JPT1: variants seen among roughly 807,000 people sequenced by gnomAD.
The protein encoded by JPT1 is Jupiter microtubule associated homolog 1.
JPT1 carries 5 observed loss-of-function variants against 17.0 expected under a neutral mutation model. The ratio of observed to expected loss-of-function variants is 0.29; its 90% CI spans 0.15 to 0.62. The LOEUF is 0.62. JPT1 is among the 20% of genes least tolerant of loss of function. JPT1 has a pLI of 0.85. For missense variants in JPT1, 158 were observed against 188.1 expected, an observed-to-expected ratio of 0.84 and a Z score of 0.94; for synonymous variants, 71 against 73.6, an observed-to-expected ratio of 0.96 and a Z score of 0.18.
chr17:75,141,822 G>A (rs569471387), intron 4 of JPT1, among the ~76,000 whole-genome samples: 11 of 151,318 alleles, frequency 7.3e-5, no homozygotes, highest in African/African-American at 2.2e-4. Context: ...GCCTCCCAGC[G>A]CTTTGGGAGG....
chr17:75,150,847 C>CTTTCTTTTTTTTTTTT (rs2074535428), intron 1 of JPT1, among the ~76,000 whole-genome samples: 3 of 65,958 alleles, frequency 4.5e-5, no homozygotes, highest in African/African-American at 1.3e-4. Context: ...ATTTTTCTTT[C>CTTTCTTTTTTTTTTTT]TTTTTTTTTT....
chr17:75,136,088 C>G lies in JPT1; in HGVS notation c.*14G>C. On this transcript the variant is annotated 3_prime_UTR_variant, in exon 5 of 5. Transcript: ENST00000409753. ...AGGAAACAGACAGAACGACAGCGTTCAGGACAGTCAGAGCTAACCCAAGAC... is the reference window on the plus strand; with the variant it reads ...AGGAAACAGACAGAACGACAGCGTTGAGGACAGTCAGAGCTAACCCAAGAC... The G allele has an allele frequency of 6.2e-7, 1 of 1,614,234 alleles. No individual in the cohort carries two copies. The highest frequency in any genetic ancestry group is 8.5e-7 in the Non-Finnish European group (1 of 1,180,034).
intron 4 of JPT1, among the ~76,000 whole-genome samples, chr17:75,138,034 G>A (rs1478622150): frequency 3.4e-5 from 5 of 148,740 alleles, no homozygotes; most frequent in Non-Finnish European, 7.4e-5. Context: ...TCGGCTCACT[G>A]CAACCTGTGC....
intron 2 of JPT1, 182 bp from the exon 3 acceptor site, chr17:75,147,835 C>T: frequency 1.8e-6 from 1 of 548,226 alleles, no homozygotes; most frequent in Non-Finnish European, 3.3e-6. Flanking sequence ...CCTGTCTCTA[C>T]TAAAAATATA....
rs867270465 is a variant in JPT1 at position 75,146,736 on chromosome 17, C to T, written c.298-52G>A. ...TACTTCCTATTTTAATTTTGGAACACGCAAAACAGTCATAGTTCATAGCAG... is the reference window on the plus strand; with the variant it reads ...TACTTCCTATTTTAATTTTGGAACATGCAAAACAGTCATAGTTCATAGCAG... On this transcript the variant is annotated intron_variant, in intron 3 of 4. Transcript: ENST00000409753. 66 of 1,122,390 alleles carry T rather than the reference C, an allele frequency of 5.9e-5. 1 individual carries two copies. The Middle Eastern group carries it at 1.6e-3, about 28-fold the overall frequency. 69.5% of individuals were successfully genotyped at this position (1,122,390 alleles called of 1,614,324 possible). A position where few individuals can be genotyped will look rare whatever the true frequency, so the allele number is the denominator to read the frequency against.
chr17:75,149,178 C>T (rs1390893741), intron 1 of JPT1: 2 of 504,506 alleles, frequency 4.0e-6, no homozygotes, highest in South Asian at 1.6e-5. Context: ...TGGCAAGACC[C>T]CGTGTCTCTA....
intron 4 of JPT1, among the ~76,000 whole-genome samples, chr17:75,142,400 TAAAAA>T: frequency 6.9e-6 from 1 of 144,912 alleles, no homozygotes; most frequent in East Asian, 2.0e-4. Context: ...TCTCTACTAA[TAAAAA>T]AAAAATTAGC....
intron 3 of JPT1, 51 bp downstream of exon 3, chr17:75,147,505 C>T: frequency 7.7e-7 from 1 of 1,290,602 alleles, no homozygotes; most frequent in Non-Finnish European, 1.1e-6. Flanking sequence ...GTACAAATTT[C>T]AGAATCATAT....
chr17:75,141,631 G>A (rs1350092255), intron 4 of JPT1, among the ~76,000 whole-genome samples: 3 of 150,122 alleles, frequency 2.0e-5, no homozygotes, highest in Admixed American at 6.7e-5. Context: ...CCAGCCTGGC[G>A]ACAGAGTGAG....
Position 75,142,333 on chromosome 17 carries a change from GTGGA to G in JPT1, c.316+4329_316+4332del, listed in dbSNP as rs375903838. 5.6e-3 allele frequency among the ~76,000 whole-genome samples: 848 copies of G among 151,544 alleles called. 8 individuals carry two copies. Among genetic ancestry groups the G allele is most frequent in the African/African-American group, 0.019 (798 of 41,324 alleles). ...CTAGCATTTTGGGAGGCCAAGGCAGGTGGATCACCTGAGGTCAGGAGTTCAAGAC... is the reference window on the plus strand; with the variant it reads ...CTAGCATTTTGGGAGGCCAAGGCAGGTCACCTGAGGTCAGGAGTTCAAGAC... On this transcript the variant is annotated intron_variant, in intron 4 of 4. Coordinates refer to ENST00000409753, the MANE Select transcript of JPT1 (RefSeq NM_016185.4).
chr17:75,150,479 CTGACCTCAGG>C (rs1470617491), intron 1 of JPT1, among the ~76,000 whole-genome samples: 2 of 152,296 alleles, frequency 1.3e-5, no homozygotes, highest in East Asian at 3.9e-4. Flanking sequence ...TCTCGAACTC[CTGACCTCAGG>C]TGATCCACCC....
intron 4 of JPT1, chr17:75,138,367 G>A (rs903985932): frequency 6.6e-6 from 1 of 151,234 alleles, no homozygotes; most frequent in Non-Finnish European, 1.5e-5. Flanking sequence ...CCTTTTGCCT[G>A]AAAAGGCAGT....
At chr17:75,142,812 A>C (rs1225074674) in intron 4 of JPT1, 4 of 456,152 alleles carry the variant, frequency 8.8e-6, no homozygotes, top group South Asian at 3.1e-5. Flanking sequence ...AACAGTAATT[A>C]ATACATACAT....
intron 4 of JPT1, among the ~76,000 whole-genome samples, chr17:75,143,911 A>C (rs1176263457): frequency 6.6e-6 from 1 of 152,136 alleles, no homozygotes; most frequent in Non-Finnish European, 1.5e-5. Flanking sequence ...ACAGTGGCTC[A>C]CTTTGGGAGG....
At chr17:75,149,136 A>C (rs766869456) in intron 1 of JPT1, 5 of 893,706 alleles carry the variant, frequency 5.6e-6, no homozygotes, top group South Asian at 2.8e-5. Context: ...TCATCACTTG[A>C]GCCTAGGAGT....
chr17:75,135,906 C>T lies in JPT1; in HGVS notation c.*196G>A, dbSNP rs1204334776. 2 of 1,164,718 alleles carry T rather than the reference C, an allele frequency of 1.7e-6. No individual in the cohort carries two copies. The allele number at this position is 1,164,718 out of a possible 1,614,324, so 72.1% of individuals were successfully genotyped here. A position where few individuals can be genotyped will look rare whatever the true frequency, so the allele number is the denominator to read the frequency against. ...CTCCAATCTACTACTAGAAAACACTCATGCCATGGCCCACAGACCCAAGAG... is the reference window on the plus strand; with the variant it reads ...CTCCAATCTACTACTAGAAAACACTTATGCCATGGCCCACAGACCCAAGAG... On this transcript the variant is annotated 3_prime_UTR_variant, in exon 5 of 5. Coordinates refer to ENST00000409753, the MANE Select transcript of JPT1 (RefSeq NM_016185.4).
rs577029248 is a variant in JPT1 at position 75,146,751 on chromosome 17, G to A, written c.298-67C>T. 24 of 953,884 alleles carry A rather than the reference G, an allele frequency of 2.5e-5. No homozygotes were observed. In the African/African-American group the frequency reaches 2.9e-4, roughly 12 times the overall value. 59.1% of individuals were successfully genotyped at this position (953,884 alleles called of 1,614,324 possible). On this transcript the variant is annotated intron_variant, in intron 3 of 4. Transcript: ENST00000409753. ...TTTTGGAACACGCAAAACAGTCATAGTTCATAGCAGCTAACATCTACTTGA... is the reference window on the plus strand; with the variant it reads ...TTTTGGAACACGCAAAACAGTCATAATTCATAGCAGCTAACATCTACTTGA...
intron 4 of JPT1, among the ~76,000 whole-genome samples, chr17:75,138,033 TG>T (rs1320626059): frequency 3.9e-5 from 6 of 152,106 alleles, no homozygotes; most frequent in African/African-American, 1.4e-4. Flanking sequence ...TTCGGCTCAC[TG>T]CAACCTGTGC....
chr17:75,149,551 T>C (rs2074505425), intron 1 of JPT1, among the ~76,000 whole-genome samples: 1 of 151,976 alleles, frequency 6.6e-6, no homozygotes, highest in South Asian at 2.1e-4. Flanking sequence ...GTATTTTTAG[T>C]AGAGACGGGG....
Sources: allele counts gnomAD v4.1 joint callset (sites outside exome capture counted in the v4.1 genomes callset), GRCh38; gene constraint gnomAD v4.1.1; transcripts MANE v1.5; gene names NCBI Gene and HGNC (gene_info 2026-07-23, HGNC 2026-07-21).